Variants in SLC9A9 observed in about 807,000 individuals in gnomAD.
SLC9A9 encodes solute carrier family 9 member A9, also known as sodium/hydrogen exchanger 9.
SLC9A9 carries 62 observed loss-of-function variants against 77.8 expected under a neutral mutation model. The ratio of observed to expected loss-of-function variants is 0.80; its 90% CI spans 0.65 to 0.98. SLC9A9 has a LOEUF of 0.98. Ranked by LOEUF, SLC9A9 falls within the 50% of genes least tolerant of loss-of-function variation. SLC9A9 has a pLI of 0.00. For missense variants in SLC9A9, 775 were observed against 774.9 expected (o/e 1.00, Z 0.00); for synonymous variants, 320 against 283.5 (o/e 1.13, Z -1.29).
chr3:143,506,479 T>C (rs185649309), intron 9 of SLC9A9, among the ~76,000 whole-genome samples: 109 of 152,352 alleles, frequency 7.2e-4, no homozygotes, highest in Non-Finnish European at 1.0e-3. Flanking sequence ...ACATAGGGTA[T>C]CATTTTATTT....
chr3:143,534,793 T>C (rs1005074558), intron 9 of SLC9A9, among the ~76,000 whole-genome samples: 1 of 152,190 alleles, frequency 6.6e-6, no homozygotes, highest in Non-Finnish European at 1.5e-5. Context: ...AAAGATGTAT[T>C]TGGATAAATA....
chr3:143,608,984 A>G (rs1386612363), intron 6 of SLC9A9, among the ~76,000 whole-genome samples: 1 of 152,194 alleles, frequency 6.6e-6, no homozygotes, highest in East Asian at 1.9e-4. Flanking sequence ...TAAATTTGAA[A>G]TTACGTAAAC....
chr3:143,516,685 C>T (rs548730200), intron 9 of SLC9A9, among the ~76,000 whole-genome samples: 1 of 152,190 alleles, frequency 6.6e-6, no homozygotes, highest in Non-Finnish European at 1.5e-5. Flanking sequence ...CTCTCCTACC[C>T]TATGTAAAAT....
chr3:143,822,738 G>T (rs2009198555), intron 2 of SLC9A9, among the ~76,000 whole-genome samples: 2 of 152,170 alleles, frequency 1.3e-5, no homozygotes, highest in South Asian at 4.1e-4. Flanking sequence ...CAAAGCAATG[G>T]GGAAAAGAAT....
intron 14 of SLC9A9, among the ~76,000 whole-genome samples, chr3:143,307,838 G>A (rs188920498): frequency 6.6e-6 from 1 of 152,260 alleles, no homozygotes; most frequent in East Asian, 1.9e-4. Context: ...AGACTAAGAA[G>A]CCTCCAGCCC....
chr3:143,555,278 T>G (rs2108641678), intron 8 of SLC9A9, among the ~76,000 whole-genome samples: 1 of 152,304 alleles, frequency 6.6e-6, no homozygotes, highest in South Asian at 2.1e-4. Flanking sequence ...TTGTGAGGCC[T>G]CCCCAGCTAC....
chr3:143,538,860 A>C (rs1300769481), intron 9 of SLC9A9, among the ~76,000 whole-genome samples: 4 of 152,222 alleles, frequency 2.6e-5, no homozygotes, highest in African/African-American at 7.2e-5. Flanking sequence ...CTAGGGGAAA[A>C]GAACTGTGTG....
intron 13 of SLC9A9, among the ~76,000 whole-genome samples, chr3:143,380,340 T>C (rs181813386): frequency 6.6e-6 from 1 of 152,344 alleles, no homozygotes; most frequent in Admixed American, 6.5e-5. Flanking sequence ...AATAACAGTA[T>C]ATGTGATTGT....
intron 6 of SLC9A9, 54 bp downstream of exon 6, chr3:143,652,201 G>C: frequency 1.5e-6 from 2 of 1,370,058 alleles, no homozygotes; most frequent in Non-Finnish European, 1.0e-6. Context: ...AAAGATACAA[G>C]TGAAAGCATA....
intron 8 of SLC9A9, among the ~76,000 whole-genome samples, chr3:143,561,034 A>G (rs2037075498): frequency 6.6e-6 from 1 of 152,100 alleles, no homozygotes; most frequent in Non-Finnish European, 1.5e-5. Flanking sequence ...TACAAAAATT[A>G]GCCGGGCGTG....
At chr3:143,668,287 C>A (rs2039103353) in intron 5 of SLC9A9, among the ~76,000 whole-genome samples, 1 of 137,068 alleles carries the variant, frequency 7.3e-6, no homozygotes, top group Non-Finnish European at 1.5e-5. Flanking sequence ...ACAATGAGAA[C>A]ACTTGGACAC....
intron 12 of SLC9A9, among the ~76,000 whole-genome samples, chr3:143,425,264 C>CT (rs200568656): frequency 0.025 from 2,439 of 98,468 alleles, 36 homozygotes; most frequent in Non-Finnish European, 0.039. Context: ...TGAGGCTTAG[C>CT]TTTTTTTTTT....
intron 5 of SLC9A9, among the ~76,000 whole-genome samples, chr3:143,657,373 A>G (rs1448426998): frequency 6.6e-6 from 1 of 152,208 alleles, no homozygotes; most frequent in East Asian, 1.9e-4. Flanking sequence ...ATAGTGGAGA[A>G]TATATGATAT....
intron 12 of SLC9A9, among the ~76,000 whole-genome samples, chr3:143,463,317 A>G (rs1374108936): frequency 6.6e-6 from 1 of 152,174 alleles, no homozygotes; most frequent in East Asian, 1.9e-4. Flanking sequence ...ATTTGCTGAA[A>G]GTTTCTTGGC....
chr3:143,824,199 T>A (rs544275373), intron 2 of SLC9A9, among the ~76,000 whole-genome samples: 1 of 152,220 alleles, frequency 6.6e-6, no homozygotes, highest in East Asian at 1.9e-4. Flanking sequence ...TTCTCTGCCC[T>A]TCTCTACTTT....
chr3:143,782,645 T>A (rs558567397), intron 4 of SLC9A9, among the ~76,000 whole-genome samples: 16 of 152,304 alleles, frequency 1.1e-4, no homozygotes, highest in African/African-American at 3.8e-4. Flanking sequence ...ACCAAAAAAA[T>A]GCACCTAAAG....
chr3:143,798,054 A>G (rs2008437756), intron 2 of SLC9A9, among the ~76,000 whole-genome samples: 1 of 152,172 alleles, frequency 6.6e-6, no homozygotes, highest in Non-Finnish European at 1.5e-5. Flanking sequence ...CAGACTAACC[A>G]GCCCAAGGAA....
intron 6 of SLC9A9, among the ~76,000 whole-genome samples, chr3:143,587,464 C>A (rs2037562259): frequency 1.3e-5 from 2 of 152,232 alleles, no homozygotes; most frequent in African/African-American, 4.8e-5. Flanking sequence ...AAAGGGAGAG[C>A]TTTCTAGGCA....
intron 14 of SLC9A9, chr3:143,343,468 G>A (rs754011185): frequency 1.3e-5 from 2 of 152,168 alleles, no homozygotes; most frequent in Non-Finnish European, 2.9e-5. Context: ...GCCACAAGCA[G>A]TAGTCGAAAA....
Sources: allele counts gnomAD v4.1 joint callset (sites outside exome capture counted in the v4.1 genomes callset), GRCh38; gene constraint gnomAD v4.1.1; transcripts MANE v1.5; gene names NCBI Gene and HGNC (gene_info 2026-07-23, HGNC 2026-07-21).